Variants in DDX46 observed in about 807,000 individuals in gnomAD.
The protein encoded by DDX46 is DEAD-box helicase 46, also known as probable ATP-dependent RNA helicase DDX46.
In DDX46, 30 loss-of-function variants were observed where a neutral mutation model predicts 134.9. The ratio of observed to expected loss-of-function variants is 0.22; its 90% confidence interval spans 0.17 to 0.30. The LOEUF (loss-of-function observed/expected upper bound fraction) is 0.30. DDX46 is among the 10% of genes least tolerant of loss of function. The probability of loss-of-function intolerance (pLI) is 1.00; values close to 1 mark genes in which losing one functional copy is unlikely to be tolerated. For missense variants in DDX46, 622 were observed against 1,248.7 expected, an observed-to-expected ratio of 0.50 and a Z score of 7.56; for synonymous variants, 415 against 404.1, an observed-to-expected ratio of 1.03 and a Z score of -0.32.
chr5:134,796,136 T>C lies in DDX46; in HGVS notation c.1940T>C (p.Met647Thr). Residue 647 changes from methionine to threonine, a missense_variant, in exon 15 of 23, where the codon ATG becomes ACG. Transcript: ENST00000452510. ...TTAATGAGAGCATCTTATCCTTGCA[T>C]GTCTCTTCATGGAGGTAATTATTCA... ...KDLMRASYPC[M>T]SLHGGIDQYD... 6.2e-7 allele frequency: 1 copy of C among 1,613,380 alleles called. No homozygotes were observed. Among genetic ancestry groups the C allele is most frequent in the Non-Finnish European group, 8.5e-7 (1 of 1,179,838 alleles).
chr5:134,802,083 T>C (rs1330225480), intron 15 of DDX46, among the ~76,000 whole-genome samples: 1 of 152,132 alleles, frequency 6.6e-6, no homozygotes, highest in Non-Finnish European at 1.5e-5. Context: ...CTTTTTGATA[T>C]TGTCTCACTG....
At chr5:134,764,280 T>G (rs999101302) in intron 2 of DDX46, among the ~76,000 whole-genome samples, 188 bp downstream of exon 2, 5 of 151,860 alleles carry the variant, frequency 3.3e-5, no homozygotes, top group Non-Finnish European at 4.4e-5. Flanking sequence ...ACAGTGTTTT[T>G]TTTTTTTTTT....
At position 134,799,409 on chromosome 5, in the gene DDX46, G is replaced by T. The variant is rs183725381; in HGVS notation, c.1954+3259G>T. 4.7e-5 allele frequency among the ~76,000 whole-genome samples: 7 copies of T among 149,150 alleles called. No individual in the cohort carries two copies. In the East Asian group the frequency reaches 1.4e-3, roughly 29 times the overall value. On this transcript the variant is annotated intron_variant, in intron 15 of 22. Transcript: ENST00000452510. ...CAATCATCCCTCCTCAGCCTCCTAA[G>T]TAGCTGGGACTATAGCAAAATTTGT...
chr5:134,770,225 A>T (rs929595177), intron 3 of DDX46, among the ~76,000 whole-genome samples: 1 of 147,062 alleles, frequency 6.8e-6, no homozygotes, highest in East Asian at 2.0e-4. Flanking sequence ...TTTTTTTTTA[A>T]AAAGAGACAG....
intron 21 of DDX46, among the ~76,000 whole-genome samples, chr5:134,824,718 C>T (rs937767907): frequency 3.3e-5 from 5 of 152,070 alleles, no homozygotes; most frequent in Non-Finnish European, 5.9e-5. Flanking sequence ...TTTGAAACTC[C>T]GAACTCAACT....
At chr5:134,772,100 G>A (rs186111603) in intron 4 of DDX46, among the ~76,000 whole-genome samples, 2 of 152,078 alleles carry the variant, frequency 1.3e-5, no homozygotes, top group Admixed American at 6.5e-5. Flanking sequence ...GCGTGATGGC[G>A]CATGCCTGTA....
intron 3 of DDX46, among the ~76,000 whole-genome samples, chr5:134,770,295 C>T (rs745729916): frequency 2.0e-5 from 3 of 151,192 alleles, no homozygotes; most frequent in African/African-American, 4.9e-5. Context: ...ACTGCAGCCT[C>T]GAACTACTGG....
At position 134,781,175 on chromosome 5, in the gene DDX46, A is replaced by G. The variant is rs1754142683; in HGVS notation, c.808A>G (p.Thr270Ala). ...CACAAAAGTTGTCACTGTTGTGACA[A>G]CCAAAAAAGCAGTTGTGGATTCTGA... ...TVTKVVTVVT[T>A]KKAVVDSDKK... The change falls in exon 7 of 23, where the codon ACC (threonine) becomes GCC (alanine). Residue 270 changes from threonine (T) to alanine (A), a missense_variant. By Grantham distance (58) the Thr-to-Ala change is moderately conservative (BLOSUM62 0). Coordinates refer to ENST00000452510, the MANE Select transcript of DDX46 (RefSeq NM_001300860.2). 1 of 1,602,660 alleles carries G rather than the reference A, an allele frequency of 6.2e-7. No homozygotes were observed. The highest frequency in any genetic ancestry group is 1.4e-5 in the African/African-American group (1 of 74,056).
At chr5:134,766,555 C>CA (rs763184359) in intron 2 of DDX46, among the ~76,000 whole-genome samples, 250 of 107,406 alleles carry the variant, frequency 2.3e-3, no homozygotes, top group East Asian at 4.5e-3. Flanking sequence ...ACTCTGTCTC[C>CA]AAAAAAAAAA....
intron 5 of DDX46, among the ~76,000 whole-genome samples, chr5:134,776,260 C>A (rs1334946633): frequency 6.6e-6 from 1 of 151,810 alleles, no homozygotes; most frequent in Non-Finnish European, 1.5e-5. Flanking sequence ...TGTGGTGGCG[C>A]ACACCTGTAG....
chr5:134,782,184 G>T lies in DDX46; in HGVS notation c.1045+98G>T. On this transcript the variant is annotated intron_variant, in intron 8 of 22. Coordinates refer to ENST00000452510, the MANE Select transcript of DDX46 (RefSeq NM_001300860.2). ...ATGTGGATAGTGTCTCATGAAGGAG[G>T]GTGTTTTGGAAATATTTTTAAAATG... 3.2e-6 allele frequency: 4 copies of T among 1,239,556 alleles called. No individual in the cohort carries two copies. In the South Asian group the frequency reaches 6.9e-5, roughly 21 times the overall value. 76.8% of individuals were successfully genotyped at this position (1,239,556 alleles called of 1,614,324 possible).
chr5:134,808,097 T>G (rs1011234968), intron 16 of DDX46, among the ~76,000 whole-genome samples, 156 bp downstream of exon 16: 2 of 152,230 alleles, frequency 1.3e-5, no homozygotes, highest in Non-Finnish European at 2.9e-5. Context: ...TTTATATACA[T>G]GTACAGGTCT....
At chr5:134,765,808 A>C (rs538789728) in intron 2 of DDX46, among the ~76,000 whole-genome samples, 6 of 152,310 alleles carry the variant, frequency 3.9e-5, no homozygotes, top group African/African-American at 1.4e-4. Flanking sequence ...GTTACGTAGG[A>C]TTCAGGGAAA....
chr5:134,818,831 A>G (rs1397986552), intron 20 of DDX46, 29 bp from the exon 21 acceptor site: 2 of 1,596,626 alleles, frequency 1.3e-6, no homozygotes, highest in South Asian at 1.1e-5. Flanking sequence ...TTATGAAGTG[A>G]TTTTTCTTTT....
intron 3 of DDX46, among the ~76,000 whole-genome samples, chr5:134,769,059 A>G (rs1378181510): frequency 3.3e-5 from 5 of 152,168 alleles, no homozygotes; most frequent in Non-Finnish European, 5.9e-5. Context: ...CTCCGTCTCA[A>G]AAAAATCCCC....
rs753822855 is a variant in DDX46 at position 134,818,852 on chromosome 5, T to A, written c.2833-8T>A. The A allele has an allele frequency of 8.7e-6, 14 of 1,602,508 alleles. No individual in the cohort carries two copies. ...AGTGATTTTTCTTTTCCTTACCTTT[T>A]CTTTTAGACTGCTAGGTGGAAAGTT... On this transcript the variant is annotated splice_region_variant and splice_polypyrimidine_tract_variant and intron_variant, in intron 20 of 22. Transcript: ENST00000452510.
At position 134,811,257 on chromosome 5, in the gene DDX46, C is replaced by G; in HGVS notation, c.2185C>G (p.Arg729Gly). The part of the protein sequence containing the change: ...AYTFITEDQA[R>G]YAGDIIKALE... ...TACTTTTATCACAGAGGATCAAGCT[C>G]GCTATGCTGGTGACATAATTAAAGC... Residue 729 changes from arginine (R) to glycine (G), a missense_variant, in exon 17 of 23, where the codon CGC becomes GGC. Coordinates refer to ENST00000452510, the MANE Select transcript of DDX46 (RefSeq NM_001300860.2). 6.2e-7 allele frequency: 1 copy of G among 1,613,964 alleles called. No homozygotes were observed. The highest frequency in any genetic ancestry group is 8.5e-7 in the Non-Finnish European group (1 of 1,179,972).
intron 1 of DDX46, among the ~76,000 whole-genome samples, chr5:134,761,841 C>T (rs979058164): frequency 6.6e-6 from 1 of 152,182 alleles, no homozygotes; most frequent in African/African-American, 2.4e-5. Flanking sequence ...ATCTATGCCA[C>T]CACTATCTCA....
chr5:134,798,631 A>G (rs1189411579), intron 15 of DDX46, among the ~76,000 whole-genome samples: 1 of 152,194 alleles, frequency 6.6e-6, no homozygotes, highest in African/African-American at 2.4e-5. Flanking sequence ...TTAAGTAACA[A>G]GTTTCTTTTC....
Sources: gnomAD v4.1 joint callset for allele counts (sites outside exome capture counted in the v4.1 genomes callset) on GRCh38, gnomAD v4.1.1 for gene constraint, MANE v1.5 for transcripts, NCBI Gene and HGNC (gene_info 2026-07-23, HGNC 2026-07-21) for gene names.